Variants in FBXO21 observed in about 807,000 individuals in gnomAD.
FBXO21 encodes the protein F-box only protein 21.
A neutral mutation model predicts 76.6 loss-of-function variants in FBXO21; 32 were observed. The observed-to-expected ratio is 0.42, with a 90% CI of 0.32 to 0.56. The LOEUF (loss-of-function observed/expected upper bound fraction) is 0.56, where lower values mean the gene tolerates loss of function less well. Among genes scored for constraint, FBXO21 ranks in the 20% least tolerant of loss-of-function variants. FBXO21 has a pLI of 0.16. For synonymous variants in FBXO21, 328 were observed against 311.5 expected, an observed-to-expected ratio of 1.05 and a Z score of -0.56; for missense variants, 586 against 797.3, an observed-to-expected ratio of 0.73 and a Z score of 3.19.
chr12:117,184,120 C>T (rs1956260641), intron 3 of FBXO21, among the ~76,000 whole-genome samples: 1 of 151,690 alleles, frequency 6.6e-6, no homozygotes. Flanking sequence ...AAATTGTTTT[C>T]TGGCTCTTCT....
Position 117,145,054 on chromosome 12 carries a change from T to G in FBXO21, c.*1033A>C, listed in dbSNP as rs898604085. ...AACAAGAGGTGTGAAACCACTTTTT[T>G]TCCCTTCAAAACCTTTTTTTTTTTT... On this transcript the variant is annotated 3_prime_UTR_variant, in exon 12 of 12. Coordinates refer to ENST00000622495, the MANE Select transcript of FBXO21 (RefSeq NM_015002.3). The G allele has an allele frequency of 1.2e-4, 17 of 147,302 alleles. No homozygotes were observed. The highest frequency in any genetic ancestry group is 1.9e-4 in the Non-Finnish European group (13 of 67,116). 9.1% of individuals were successfully genotyped at this position (147,302 alleles called of 1,614,324 possible).
At chr12:117,178,338 A>C (rs2135878839) in intron 3 of FBXO21, among the ~76,000 whole-genome samples, 1 of 152,144 alleles carries the variant, frequency 6.6e-6, no homozygotes, top group African/African-American at 2.4e-5. Context: ...ACTCCCACAC[A>C]CCACCATCAG....
chr12:117,152,355 A>T (rs1955853124), intron 11 of FBXO21, among the ~76,000 whole-genome samples: 1 of 152,020 alleles, frequency 6.6e-6, no homozygotes, highest in Non-Finnish European at 1.5e-5. Context: ...AGTCCCAGCT[A>T]CTTGGGAGGC....
At position 117,145,551 on chromosome 12, in the gene FBXO21, CT is replaced by C. The variant is rs1275623792; in HGVS notation, c.*535del. 6.6e-6 allele frequency: 1 copy of C among 152,124 alleles called. No homozygotes were observed. The highest frequency in any genetic ancestry group is 1.5e-5 in the Non-Finnish European group (1 of 68,044). 9.4% of individuals were successfully genotyped at this position (152,124 alleles called of 1,614,324 possible). On this transcript the variant is annotated 3_prime_UTR_variant, in exon 12 of 12. Transcript: ENST00000622495. The stretch of plus-strand genomic sequence containing the variant: ...CTAATTACCATTAGCTTGTTAATGT[CT>C]CCATCTCTAAGATGCTGCCAAGATA...
At chr12:117,182,058 T>C (rs2135883682) in intron 3 of FBXO21, among the ~76,000 whole-genome samples, 1 of 152,338 alleles carries the variant, frequency 6.6e-6, no homozygotes, top group South Asian at 2.1e-4. Context: ...AGCTGATACT[T>C]TGGCATTTAT....
chr12:117,157,065 C>T (rs766522992), intron 10 of FBXO21, among the ~76,000 whole-genome samples: 9 of 151,944 alleles, frequency 5.9e-5, no homozygotes, highest in Non-Finnish European at 1.2e-4. Flanking sequence ...CGCCTGTAGT[C>T]CCAGCTACCT....
chr12:117,160,824 G>T (rs183908370), intron 9 of FBXO21, among the ~76,000 whole-genome samples: 4 of 152,248 alleles, frequency 2.6e-5, no homozygotes, highest in African/African-American at 9.6e-5. Context: ...GGTAGAGACC[G>T]GGTTTTGTCA....
intron 3 of FBXO21, among the ~76,000 whole-genome samples, chr12:117,182,223 T>C (rs1956241255): frequency 6.6e-6 from 1 of 152,204 alleles, no homozygotes; most frequent in Non-Finnish European, 1.5e-5. Flanking sequence ...TATTTGTTTG[T>C]TGGCTCACAC....
At chr12:117,169,651 C>T (rs922165070) in intron 7 of FBXO21, among the ~76,000 whole-genome samples, 1 of 152,018 alleles carries the variant, frequency 6.6e-6, no homozygotes, top group Admixed American at 6.6e-5. Flanking sequence ...TAACTGCTCC[C>T]AACAGCATGC....
intron 2 of FBXO21, among the ~76,000 whole-genome samples, chr12:117,188,534 G>C (rs1956309319): frequency 1.3e-5 from 2 of 150,664 alleles, no homozygotes; most frequent in African/African-American, 4.9e-5. Flanking sequence ...GACAAAGCAA[G>C]ACTCTGTCTC....
At chr12:117,156,375 T>C (rs551153775) in intron 10 of FBXO21, among the ~76,000 whole-genome samples, 52 of 152,258 alleles carry the variant, frequency 3.4e-4, no homozygotes, top group African/African-American at 1.1e-3. Context: ...CTGACATCAC[T>C]AAAACCAAGA....
Position 117,144,778 on chromosome 12 carries a change from G to A in FBXO21, c.*1309C>T, listed in dbSNP as rs1355461345. 6.6e-6 allele frequency: 1 copy of A among 152,218 alleles called. No individual in the cohort carries two copies. The highest frequency in any genetic ancestry group is 2.4e-5 in the African/African-American group (1 of 41,454). The allele number at this position is 152,218 out of a possible 1,614,324, so 9.4% of individuals were successfully genotyped here. On this transcript the variant is annotated 3_prime_UTR_variant, in exon 12 of 12. Coordinates refer to ENST00000622495, the MANE Select transcript of FBXO21 (RefSeq NM_015002.3). ...GAGCTCCAGAGCTGCACAAAGGCGTGCAGTTACTCTGGGCTCAGTTACTGA... is the reference window on the plus strand; with the variant it reads ...GAGCTCCAGAGCTGCACAAAGGCGTACAGTTACTCTGGGCTCAGTTACTGA...
chr12:117,155,801 G>C lies in FBXO21; in HGVS notation c.1665C>G (p.Tyr555Ter). 1.2e-6 allele frequency: 2 copies of C among 1,613,482 alleles called. No individual in the cohort carries two copies. The highest frequency in any genetic ancestry group is 1.3e-5 in the African/African-American group (1 of 75,078). The change falls in exon 11 of 12, where the codon TAC becomes TAG. Residue 555 changes from tyrosine to a stop codon, truncating the protein, a stop_gained. Transcript: ENST00000622495. LOFTEE classifies it high-confidence loss of function. ...GAACCCGCCGCTTACCTTGGGCTGC[G>C]TATCGACAGGAGCCGTCCTCCACCA... The part of the protein sequence containing the change: ...NVLVEDGSCR[Y>*]AAQENLEYNV...
intron 11 of FBXO21, among the ~76,000 whole-genome samples, chr12:117,146,509 G>C (rs1955772108): frequency 6.6e-6 from 1 of 152,208 alleles, no homozygotes; most frequent in Non-Finnish European, 1.5e-5. Flanking sequence ...GGAACAGCAG[G>C]ATCTTCCTCA....
At chr12:117,148,614 G>A (rs992035002) in intron 11 of FBXO21, among the ~76,000 whole-genome samples, 3 of 152,248 alleles carry the variant, frequency 2.0e-5, no homozygotes, top group Non-Finnish European at 4.4e-5. Flanking sequence ...GGTGTCACAG[G>A]CACCCCTGCC....
At chr12:117,167,116 C>G (rs1256733646) in intron 7 of FBXO21, 39 bp from the exon 8 acceptor site, 1 of 1,538,234 alleles carries the variant, frequency 6.5e-7, no homozygotes, top group Non-Finnish European at 8.9e-7. Flanking sequence ...AGCTGAACAA[C>G]TCATTATTTT....
chr12:117,157,395 C>T (rs913278738), intron 10 of FBXO21, among the ~76,000 whole-genome samples: 6 of 152,098 alleles, frequency 3.9e-5, no homozygotes, highest in African/African-American at 7.2e-5. Context: ...TAGCACCAGG[C>T]GAGAATAGGA....
chr12:117,156,437 T>C (rs929312497), intron 10 of FBXO21, among the ~76,000 whole-genome samples: 27 of 152,038 alleles, frequency 1.8e-4, no homozygotes, highest in East Asian at 1.2e-3. Context: ...ACTGGGGAAA[T>C]AGGAACTCTC....
At chr12:117,166,700 G>C (rs955481800) in intron 8 of FBXO21, among the ~76,000 whole-genome samples, 198 bp downstream of exon 8, 8 of 152,302 alleles carry the variant, frequency 5.3e-5, no homozygotes, top group South Asian at 4.1e-4. Flanking sequence ...GATATGAGAA[G>C]ATCTTGCCCT....
Sources: gnomAD v4.1 joint callset for allele counts (sites outside exome capture counted in the v4.1 genomes callset) on GRCh38, gnomAD v4.1.1 for gene constraint, MANE v1.5 for transcripts, NCBI Gene and HGNC (gene_info 2026-07-23, HGNC 2026-07-21) for gene names.